Variants in ADGRL3 observed in about 807,000 individuals in gnomAD.
ADGRL3 encodes the protein adhesion G protein-coupled receptor L3.
In ADGRL3, 62 loss-of-function variants were observed where a neutral mutation model predicts 153.5. That is an observed-to-expected ratio of 0.40 (90% CI 0.33 to 0.50). The LOEUF is 0.50. ADGRL3 is among the 20% of genes least tolerant of loss of function. ADGRL3 has a pLI of 0.47. For missense variants in ADGRL3, 1,641 were observed against 1,859.4 expected (o/e 0.88, Z 2.16); for synonymous variants, 710 against 672.5 (o/e 1.06, Z -0.86).
At position 61,432,790 on chromosome 4, in the gene ADGRL3, G is replaced by T. The variant is rs1251713985; in HGVS notation, c.-174+49601G>T. Among the ~76,000 whole-genome samples the T allele has an allele frequency of 2.7e-5, 4 of 150,556 alleles. No homozygotes were observed. In the East Asian group the frequency reaches 7.8e-4, roughly 29 times the overall value. ...TGCCTCAGCCTCCTGAGTAGCTGGG[G>T]TTATAGGCATGAGCCACCACGCCTG... On this transcript the variant is annotated intron_variant, in intron 2 of 26. Transcript: ENST00000683033.
intron 8 of ADGRL3, among the ~76,000 whole-genome samples, chr4:61,811,395 T>G (rs1314792416): frequency 6.6e-6 from 1 of 152,062 alleles, no homozygotes; most frequent in Non-Finnish European, 1.5e-5. Flanking sequence ...CAAACATATA[T>G]TTTATAATTT....
intron 8 of ADGRL3, among the ~76,000 whole-genome samples, chr4:61,738,273 T>C (rs2096542038): frequency 6.6e-6 from 1 of 152,174 alleles, no homozygotes; most frequent in Non-Finnish European, 1.5e-5. Flanking sequence ...GCCTGGGTGG[T>C]ATTCCATTCT....
intron 13 of ADGRL3, among the ~76,000 whole-genome samples, chr4:61,915,952 A>G (rs1446022948): frequency 6.6e-6 from 1 of 152,130 alleles, no homozygotes; most frequent in African/African-American, 2.4e-5. Context: ...CAAGCAATGA[A>G]TCTTTTAGGG....
chr4:61,422,269 C>T (rs2097215958), intron 2 of ADGRL3, among the ~76,000 whole-genome samples: 1 of 152,142 alleles, frequency 6.6e-6, no homozygotes, highest in South Asian at 2.1e-4. Flanking sequence ...AATGTATCAA[C>T]TTCAATGTCC....
At chr4:61,472,655 A>T (rs2097975765) in intron 2 of ADGRL3, among the ~76,000 whole-genome samples, 1 of 152,066 alleles carries the variant, frequency 6.6e-6, no homozygotes. Flanking sequence ...GCAATCATGA[A>T]CCAATGGGTC....
chr4:61,853,073 A>G (rs954609305), intron 9 of ADGRL3, among the ~76,000 whole-genome samples: 12 of 151,512 alleles, frequency 7.9e-5, no homozygotes, highest in African/African-American at 2.7e-4. Context: ...GCTGGAGTGC[A>G]GTGATGTGAT....
chr4:61,295,842 A>G (rs2094393608), intron 1 of ADGRL3, among the ~76,000 whole-genome samples: 1 of 151,676 alleles, frequency 6.6e-6, no homozygotes, highest in Admixed American at 6.6e-5. Context: ...GGGTGGTGGC[A>G]TGTGCCTATT....
At chr4:61,751,068 A>G (rs1033874520) in intron 8 of ADGRL3, among the ~76,000 whole-genome samples, 2 of 152,158 alleles carry the variant, frequency 1.3e-5, no homozygotes, top group Non-Finnish European at 2.9e-5. Context: ...CATAGGAGTG[A>G]GAACCCTATA....
At chr4:61,463,758 G>C (rs1162624454) in intron 2 of ADGRL3, among the ~76,000 whole-genome samples, 1 of 152,148 alleles carries the variant, frequency 6.6e-6, no homozygotes, top group African/African-American at 2.4e-5. Flanking sequence ...GTGGAAGTGG[G>C]TGTCAGCTTG....
At chr4:61,919,090 G>A (rs548397766) in intron 13 of ADGRL3, among the ~76,000 whole-genome samples, 1 of 152,284 alleles carries the variant, frequency 6.6e-6, no homozygotes, top group South Asian at 2.1e-4. Flanking sequence ...TGCGTTGCTT[G>A]ACTTGTGATA....
At chr4:61,892,083 A>G (rs926360592) in intron 9 of ADGRL3, among the ~76,000 whole-genome samples, 1 of 152,148 alleles carries the variant, frequency 6.6e-6, no homozygotes, top group African/African-American at 2.4e-5. Context: ...TCTAAGAGCA[A>G]TAAAGTAGAT....
rs953832205 is a variant in ADGRL3 at position 62,074,141 on chromosome 4, G to A, written c.*3233G>A. On this transcript the variant is annotated 3_prime_UTR_variant, in exon 27 of 27. Transcript: ENST00000683033. The stretch of plus-strand genomic sequence containing the variant: ...GTGACTCAATTTTTTAAGATCCTGA[G>A]ACATTTATGACCTGCTTATCTGTAT... The A allele has an allele frequency of 6.6e-6, 1 of 151,506 alleles. No homozygotes were observed. Among genetic ancestry groups the A allele is most frequent in the Non-Finnish European group, 1.5e-5 (1 of 67,868 alleles). 9.4% of individuals were successfully genotyped at this position (151,506 alleles called of 1,614,324 possible).
chr4:61,841,009 T>G (rs2098022584), intron 9 of ADGRL3, among the ~76,000 whole-genome samples: 1 of 136,312 alleles, frequency 7.3e-6, no homozygotes, highest in Admixed American at 7.4e-5. Flanking sequence ...GAGTAATAAC[T>G]AGATGCTAGG....
chr4:61,259,347 C>T (rs947803855), intron 1 of ADGRL3, among the ~76,000 whole-genome samples: 2 of 151,788 alleles, frequency 1.3e-5, no homozygotes, highest in East Asian at 1.9e-4. Flanking sequence ...GGCGTGAACC[C>T]GGGAGGCGGA....
chr4:61,989,169 G>T (rs1482387368), intron 19 of ADGRL3, among the ~76,000 whole-genome samples: 1 of 151,982 alleles, frequency 6.6e-6, no homozygotes, highest in Non-Finnish European at 1.5e-5. Context: ...CAAGAAAGAG[G>T]TTAGTTAAGG....
intron 13 of ADGRL3, among the ~76,000 whole-genome samples, chr4:61,921,897 T>C (rs1320337383): frequency 1.3e-5 from 2 of 152,158 alleles, no homozygotes; most frequent in South Asian, 4.1e-4. Context: ...AAAGAGTAAA[T>C]GTGTAGACAG....
intron 1 of ADGRL3, among the ~76,000 whole-genome samples, chr4:61,323,030 G>C (rs749678514): frequency 6.6e-6 from 1 of 152,194 alleles, no homozygotes; most frequent in Non-Finnish European, 1.5e-5. Flanking sequence ...TGAAATCTAC[G>C]TAGAGCTTCC....
chr4:61,806,792 C>A (rs2148514074), intron 8 of ADGRL3, among the ~76,000 whole-genome samples: 1 of 151,976 alleles, frequency 6.6e-6, no homozygotes, highest in East Asian at 1.9e-4. Flanking sequence ...AATGCCTCAT[C>A]TTTTTCTTTT....
intron 17 of ADGRL3, among the ~76,000 whole-genome samples, chr4:61,952,618 C>A (rs1425163657): frequency 1.3e-5 from 2 of 152,028 alleles, no homozygotes; most frequent in Non-Finnish European, 2.9e-5. Context: ...TGTGTCAGCA[C>A]AGTTTAAATT....
Sources: gnomAD v4.1 joint callset for allele counts (sites outside exome capture counted in the v4.1 genomes callset) on GRCh38, gnomAD v4.1.1 for gene constraint, MANE v1.5 for transcripts, NCBI Gene and HGNC (gene_info 2026-07-23, HGNC 2026-07-21) for gene names.